The following ABLIM1 variants were observed in gnomAD, a reference collection of about 807,000 sequenced individuals.
ABLIM1 encodes the protein actin-binding LIM protein 1.
Under a neutral mutation model 107.0 loss-of-function variants are expected in ABLIM1, and 40 were observed. The ratio of observed to expected loss-of-function variants is 0.37; its 90% confidence interval spans 0.29 to 0.49. The LOEUF is 0.49. Among genes scored for constraint, ABLIM1 ranks in the 20% least tolerant of loss-of-function variants. The pLI is 0.97. For missense variants in ABLIM1, 857 were observed against 1,008.5 expected (o/e 0.85, Z 2.04); for synonymous variants, 357 against 357.3 (o/e 1.00, Z 0.01).
At chr10:114,522,848 C>G (rs2136534119) in intron 6 of ABLIM1, among the ~76,000 whole-genome samples, 1 of 152,282 alleles carries the variant, frequency 6.6e-6, no homozygotes, top group Middle Eastern at 3.4e-3. Flanking sequence ...TCCCAGGGCT[C>G]TGCTTAGAAG....
chr10:114,543,655 CAT>C (rs1253642161), intron 6 of ABLIM1, among the ~76,000 whole-genome samples: 1 of 152,250 alleles, frequency 6.6e-6, no homozygotes, highest in Non-Finnish European at 1.5e-5. Flanking sequence ...GGTCTAATCA[CAT>C]GACACTCCAG....
At chr10:114,470,225 C>T (rs1466591061) in intron 10 of ABLIM1, among the ~76,000 whole-genome samples, 2 of 152,090 alleles carry the variant, frequency 1.3e-5, no homozygotes, top group African/African-American at 4.8e-5. Flanking sequence ...GAGTTCACGA[C>T]CAGCCTGGCC....
chr10:114,438,296 T>C (rs1334265525), intron 21 of ABLIM1, among the ~76,000 whole-genome samples: 2 of 152,232 alleles, frequency 1.3e-5, no homozygotes, highest in Non-Finnish European at 2.9e-5. Context: ...GGGCTTGCTC[T>C]GTTGCCCAGG....
intron 14 of ABLIM1, among the ~76,000 whole-genome samples, chr10:114,451,101 G>A (rs2061813253): frequency 6.6e-6 from 1 of 152,198 alleles, no homozygotes; most frequent in Admixed American, 6.5e-5. Flanking sequence ...CATTTAGGGA[G>A]AAAGTGGGAG....
At chr10:114,730,973 T>C (rs571251685) in intron 1 of ABLIM1, among the ~76,000 whole-genome samples, 140 of 152,300 alleles carry the variant, frequency 9.2e-4, no homozygotes, top group Admixed American at 1.7e-3. Context: ...ATCCATATTA[T>C]AGCATGCATG....
chr10:114,481,799 G>A (rs530116116), intron 8 of ABLIM1, among the ~76,000 whole-genome samples: 6 of 152,320 alleles, frequency 3.9e-5, no homozygotes, highest in East Asian at 3.9e-4. Flanking sequence ...ATACTTGGAC[G>A]AAGTGAAAGC....
chr10:114,763,022 T>C (rs2082785848), intron 1 of ABLIM1, among the ~76,000 whole-genome samples: 2 of 152,222 alleles, frequency 1.3e-5, no homozygotes, highest in African/African-American at 4.8e-5. Context: ...TCCCTGCCAG[T>C]GCAATGGAAT....
At chr10:114,580,551 C>A (rs895302524) in intron 2 of ABLIM1, among the ~76,000 whole-genome samples, 4 of 152,162 alleles carry the variant, frequency 2.6e-5, no homozygotes, top group African/African-American at 9.7e-5. Flanking sequence ...ACTTTAACAT[C>A]CTGCTGGTTC....
At chr10:114,599,279 C>G (rs2075756770) in intron 2 of ABLIM1, among the ~76,000 whole-genome samples, 1 of 152,092 alleles carries the variant, frequency 6.6e-6, no homozygotes, top group African/African-American at 2.4e-5. Flanking sequence ...ACATTTATAG[C>G]ATGAAACAAG....
At chr10:114,630,814 C>A (rs373534246) in intron 1 of ABLIM1, among the ~76,000 whole-genome samples, 15 of 152,184 alleles carry the variant, frequency 9.9e-5, no homozygotes, top group South Asian at 8.3e-4. Flanking sequence ...GACAATAAAT[C>A]TAAGTGTACT....
intron 1 of ABLIM1, among the ~76,000 whole-genome samples, chr10:114,664,357 G>A (rs933708592): frequency 6.6e-6 from 1 of 152,136 alleles, no homozygotes; most frequent in Non-Finnish European, 1.5e-5. Context: ...AACAGCACAC[G>A]AATTAGCAGG....
intron 1 of ABLIM1, among the ~76,000 whole-genome samples, chr10:114,763,408 AT>A (rs34533222): frequency 6.6e-6 from 1 of 151,210 alleles, no homozygotes; most frequent in Non-Finnish European, 1.5e-5. Context: ...ATTGATAGTG[AT>A]TTTTTTTTGA....
At chr10:114,738,623 A>G (rs78994454) in intron 1 of ABLIM1, among the ~76,000 whole-genome samples, 1,594 of 152,318 alleles carry the variant, frequency 0.01, 20 homozygotes, top group Non-Finnish European at 0.016. Flanking sequence ...GATAGGCCAC[A>G]GCTTTTGGTG....
Position 114,624,750 on chromosome 10 carries a change from A to G in ABLIM1, c.245-22789T>C, listed in dbSNP as rs80283431. On this transcript the variant is annotated intron_variant, in intron 1 of 22. Transcript: ENST00000533213. The stretch of plus-strand genomic sequence containing the variant: ...TTTTAGACATCAATTAGTTGGTGTT[A>G]GAGGGCAGGAGATTTGTTAAGATTT... Among the ~76,000 whole-genome samples, 891 of 152,176 alleles carry G rather than the reference A, an allele frequency of 5.9e-3. 4 individuals carry two copies. Among genetic ancestry groups the G allele is most frequent in the Non-Finnish European group, 0.01 (681 of 67,990 alleles).
chr10:114,525,421 T>C (rs1195960971), intron 6 of ABLIM1, among the ~76,000 whole-genome samples: 1 of 152,218 alleles, frequency 6.6e-6, no homozygotes, highest in African/African-American at 2.4e-5. Flanking sequence ...TTAGACTCAC[T>C]GACACATGAA....
At chr10:114,766,072 G>A (rs1420447382) in intron 1 of ABLIM1, among the ~76,000 whole-genome samples, 6 of 152,084 alleles carry the variant, frequency 3.9e-5, no homozygotes, top group Admixed American at 3.3e-4. Flanking sequence ...GACAGATTTG[G>A]GTAGAAATCA....
rs376619558 is a variant in ABLIM1, at chr10:114,629,515, C to T, written c.245-27554G>A. ...TTGAAGATCTACAGTGGGGGAAACA[C>T]TAACCTATGCACTGGAAAGTTAAAG... On this transcript the variant is annotated intron_variant, in intron 1 of 22. Transcript: ENST00000533213. This position sits in a 1 kb window ranked among gnomAD's most constrained non-coding sequence, Gnocchi z 4.0. Among the ~76,000 whole-genome samples, 13 of 152,320 alleles carry T rather than the reference C, an allele frequency of 8.5e-5. No individual in the cohort carries two copies. In the East Asian group the frequency reaches 2.1e-3, roughly 25 times the overall value.
intron 14 of ABLIM1, 116 bp from the exon 15 acceptor site, chr10:114,448,136 T>C: frequency 7.4e-7 from 1 of 1,358,126 alleles, no homozygotes; most frequent in Non-Finnish European, 1.0e-6. Flanking sequence ...TCCAGAAAGT[T>C]CTGTTTATTA....
At chr10:114,579,089 A>G (rs1365358932) in intron 2 of ABLIM1, among the ~76,000 whole-genome samples, 3 of 152,042 alleles carry the variant, frequency 2.0e-5, no homozygotes, top group East Asian at 1.9e-4. Context: ...TCCTGGCCCA[A>G]TGAGGTGTTT....
Sources: gnomAD v4.1 joint callset for allele counts (sites outside exome capture counted in the v4.1 genomes callset) on GRCh38, gnomAD v4.1.1 for gene constraint, Gnocchi (gnomAD v3.1) non-coding constraint, MANE v1.5 for transcripts, NCBI Gene and HGNC (gene_info 2026-07-23, HGNC 2026-07-21) for gene names.